The following DSCAML1 variants were observed in gnomAD, a reference collection of about 807,000 sequenced individuals.
The protein encoded by DSCAML1 is cell adhesion molecule DSCAML1.
Under a neutral mutation model 200.5 loss-of-function variants are expected in DSCAML1, and 38 were observed. That is an observed-to-expected ratio of 0.19 (90% CI 0.15 to 0.25). The LOEUF is 0.25. Among genes scored for constraint, DSCAML1 ranks in the 10% least tolerant of loss-of-function variants. DSCAML1 has a pLI of 1.00. For synonymous variants in DSCAML1, 1,215 were observed against 1,165.0 expected, an observed-to-expected ratio of 1.04 and a Z score of -0.87; for missense variants, 2,223 against 2,858.8, an observed-to-expected ratio of 0.78 and a Z score of 5.07.
At chr11:117,759,080 A>G (rs1394016853) in intron 3 of DSCAML1, among the ~76,000 whole-genome samples, 1 of 152,172 alleles carries the variant, frequency 6.6e-6, no homozygotes, top group Admixed American at 6.5e-5. Context: ...GAGGACCCCA[A>G]TACAAATCCA....
intron 3 of DSCAML1, among the ~76,000 whole-genome samples, chr11:117,538,002 C>T (rs543359221): frequency 6.6e-6 from 1 of 152,316 alleles, no homozygotes; most frequent in East Asian, 1.9e-4. Flanking sequence ...AGTCTTCTCT[C>T]AGACCCTCAG....
chr11:117,700,785 G>A (rs1172832726), intron 3 of DSCAML1, among the ~76,000 whole-genome samples: 1 of 152,090 alleles, frequency 6.6e-6, no homozygotes, highest in African/African-American at 2.4e-5. Context: ...GTGAACTGGG[G>A]GCTTCCCCTC....
rs181171421 is a variant in DSCAML1, at chr11:117,621,330, T to C, written c.512-88808A>G. Among the ~76,000 whole-genome samples the C allele has an allele frequency of 1.4e-4, 22 of 152,360 alleles. No homozygotes were observed. In the East Asian group the frequency reaches 3.9e-3, roughly 27 times the overall value. ...CTCAATTCTAAGTAAATATGACAGG[T>C]GGATGCTTAATTTATATACTGCTAG... On this transcript the variant is annotated intron_variant, in intron 3 of 32. Transcript: ENST00000651296.
intron 11 of DSCAML1, among the ~76,000 whole-genome samples, chr11:117,483,377 A>G (rs774923278): frequency 6.6e-6 from 1 of 152,216 alleles, no homozygotes; most frequent in Non-Finnish European, 1.5e-5. Flanking sequence ...GTTAGGAGAC[A>G]TTAACTTTGA....
intron 20 of DSCAML1, 152 bp from the exon 21 acceptor site, chr11:117,444,191 T>TG (rs2048129826): frequency 1.0e-6 from 1 of 970,144 alleles, no homozygotes; most frequent in Non-Finnish European, 1.5e-6. Flanking sequence ...GTTTTAGAGA[T>TG]GCAGCGGACA....
intron 3 of DSCAML1, among the ~76,000 whole-genome samples, chr11:117,685,467 G>A (rs1467371356): frequency 6.6e-6 from 1 of 152,208 alleles, no homozygotes; most frequent in African/African-American, 2.4e-5. Flanking sequence ...GGCATGCACA[G>A]TTGGGCCCAG....
At chr11:117,783,737 C>G (rs765242224) in intron 1 of DSCAML1, among the ~76,000 whole-genome samples, 1 of 152,122 alleles carries the variant, frequency 6.6e-6, no homozygotes, top group Non-Finnish European at 1.5e-5. Context: ...GGGGATGCAC[C>G]TCCTACTCTA....
chr11:117,517,845 T>A (rs1250513542), intron 7 of DSCAML1, among the ~76,000 whole-genome samples: 1 of 152,180 alleles, frequency 6.6e-6, no homozygotes, highest in East Asian at 1.9e-4. Flanking sequence ...GTGGGGATGA[T>A]GCCCTTGAGG....
intron 3 of DSCAML1, among the ~76,000 whole-genome samples, chr11:117,710,525 C>G (rs601503): frequency 0.91 from 138,496 of 152,234 alleles, 63,499 homozygotes; most frequent in Non-Finnish European, 0.97. Context: ...TCCTTAGGGA[C>G]TAGCACTGGA....
At position 117,602,864 on chromosome 11, in the gene DSCAML1, C is replaced by T. The variant is rs991721093; in HGVS notation, c.512-70342G>A. ...CTGTAAGCCCAGCACTTTGGGAAGC[C>T]GAGACAGGTGGACCGTTTGAGCTCA... On this transcript the variant is annotated intron_variant, in intron 3 of 32. Transcript: ENST00000651296. Among the ~76,000 whole-genome samples, 4 of 151,884 alleles carry T rather than the reference C, an allele frequency of 2.6e-5. No homozygotes were observed. The South Asian group carries it at 6.2e-4, about 24-fold the overall frequency.
chr11:117,483,790 T>A (rs909708857), intron 11 of DSCAML1, among the ~76,000 whole-genome samples: 4 of 152,098 alleles, frequency 2.6e-5, no homozygotes, highest in African/African-American at 9.7e-5. Context: ...CTGGGAAAAT[T>A]TGCCTTCCAG....
At chr11:117,648,132 G>T (rs1242769757) in intron 3 of DSCAML1, among the ~76,000 whole-genome samples, 1 of 152,174 alleles carries the variant, frequency 6.6e-6, no homozygotes, top group Non-Finnish European at 1.5e-5. Flanking sequence ...TTCTCCACCA[G>T]CACCATCTGT....
At chr11:117,786,432 T>C (rs2055353023) in intron 1 of DSCAML1, among the ~76,000 whole-genome samples, 1 of 152,204 alleles carries the variant, frequency 6.6e-6, no homozygotes, top group African/African-American at 2.4e-5. Context: ...CCCAGGCATT[T>C]GGGCTGCCTG....
chr11:117,770,925 C>T (rs994433375), intron 3 of DSCAML1, among the ~76,000 whole-genome samples: 2 of 152,124 alleles, frequency 1.3e-5, no homozygotes, highest in African/African-American at 4.8e-5. Context: ...AAAGGTGCCC[C>T]ATGAGTAGTT....
chr11:117,620,573 C>G (rs971683241), intron 3 of DSCAML1, among the ~76,000 whole-genome samples: 5 of 152,272 alleles, frequency 3.3e-5, no homozygotes, highest in African/African-American at 9.6e-5. Flanking sequence ...TGGACTGGGG[C>G]CCCCTACTTT....
At chr11:117,597,882 C>T (rs2051391958) in intron 3 of DSCAML1, among the ~76,000 whole-genome samples, 1 of 150,820 alleles carries the variant, frequency 6.6e-6, no homozygotes, top group Admixed American at 6.6e-5. Context: ...TGCTTTTTTA[C>T]ACCTCTAGGA....
At chr11:117,783,781 C>A (rs1043055183) in intron 1 of DSCAML1, among the ~76,000 whole-genome samples, 2 of 152,164 alleles carry the variant, frequency 1.3e-5, no homozygotes, top group Non-Finnish European at 2.9e-5. Context: ...AATAAAACCA[C>A]AGAATATGGT....
chr11:117,593,551 C>G (rs996001679), intron 3 of DSCAML1, among the ~76,000 whole-genome samples: 1 of 152,144 alleles, frequency 6.6e-6, no homozygotes, highest in South Asian at 2.1e-4. Flanking sequence ...GCCCAGAGGC[C>G]GGGACAGCAC....
At chr11:117,632,576 G>T (rs1208991437) in intron 3 of DSCAML1, among the ~76,000 whole-genome samples, 2 of 152,202 alleles carry the variant, frequency 1.3e-5, no homozygotes, top group African/African-American at 4.8e-5. Context: ...AGCCAATGTG[G>T]TCAAAAACAC....
Sources: gnomAD v4.1 joint callset for allele counts (sites outside exome capture counted in the v4.1 genomes callset) on GRCh38, gnomAD v4.1.1 for gene constraint, MANE v1.5 for transcripts, NCBI Gene and HGNC (gene_info 2026-07-23, HGNC 2026-07-21) for gene names.